Variants in CIT observed in about 807,000 individuals in gnomAD.
CIT encodes citron Rho-interacting kinase.
A neutral mutation model predicts 272.7 loss-of-function variants in CIT; 79 were observed. The observed-to-expected ratio is 0.29, with a 90% CI of 0.24 to 0.35. The LOEUF (loss-of-function observed/expected upper bound fraction) is 0.35, where lower values mean the gene tolerates loss of function less well. CIT is among the 10% of genes least tolerant of loss of function. The pLI is 1.00. For missense variants in CIT, 1,909 were observed against 2,618.3 expected (o/e 0.73, Z 5.91); for synonymous variants, 948 against 995.6 (o/e 0.95, Z 0.90).
In CIT at chr12:119,694,518, G is replaced by C. The variant is rs1198701431; in HGVS notation, c.5882+3141C>G. Among the ~76,000 whole-genome samples the C allele has an allele frequency of 6.6e-6, 1 of 152,126 alleles. No individual in the cohort carries two copies. The highest frequency in any genetic ancestry group is 1.5e-5 in the Non-Finnish European group (1 of 68,018). The stretch of plus-strand genomic sequence containing the variant: ...TGCTGCCACTTGTATTAAAAAGGAG[G>C]GGTGGTTGCGTGTAGTGGCTCACAC... On this transcript the variant is annotated intron_variant, in intron 46 of 47. Transcript: ENST00000392521. The surrounding 1 kb of genome is among the most constrained non-coding windows in gnomAD (Gnocchi z 4.5).
At chr12:119,815,354 G>A (rs1967080023) in intron 9 of CIT, among the ~76,000 whole-genome samples, 1 of 151,980 alleles carries the variant, frequency 6.6e-6, no homozygotes, top group Non-Finnish European at 1.5e-5. Flanking sequence ...TTAAATGAAT[G>A]AAGTATAAAG....
At position 119,735,243 on chromosome 12, in the gene CIT, C is replaced by T. The variant is rs760104036; in HGVS notation, c.3073G>A (p.Glu1025Lys). The change falls in exon 25 of 48, where the codon GAG (glutamate) becomes AAG (lysine). Residue 1025 changes from glutamate to lysine, a missense_variant. Transcript: ENST00000392521. ...ACTTCACTTCGCAGTTGTACAATCT[C>T]GTCGTTGGCGCCAGAAGCCTCATCG... The part of the protein sequence containing the change: ...QLDEASGAND[E>K]IVQLRSEVDH... 6.2e-6 allele frequency: 10 copies of T among 1,614,050 alleles called. No homozygotes were observed. The highest frequency in any genetic ancestry group is 8.5e-6 in the Non-Finnish European group (10 of 1,180,046).
At chr12:119,757,347 CAGG>C (rs1376809340) in intron 22 of CIT, 21 bp downstream of exon 22, 3 of 1,612,398 alleles carry the variant, frequency 1.9e-6, no homozygotes, top group Non-Finnish European at 2.5e-6. Flanking sequence ...CAAATCCTCC[CAGG>C]AGATGACTCC....
intron 40 of CIT, 121 bp downstream of exon 40, chr12:119,708,058 C>T: frequency 9.1e-7 from 1 of 1,098,748 alleles, no homozygotes; most frequent in Non-Finnish European, 1.2e-6. Context: ...CAAGAGAGCC[C>T]CTCTCTGTTT....
chr12:119,861,621 G>A (rs994027452), intron 3 of CIT, among the ~76,000 whole-genome samples: 3 of 151,860 alleles, frequency 2.0e-5, no homozygotes, highest in Admixed American at 1.3e-4. Flanking sequence ...AAAAGAAAAT[G>A]CAATCAGAGA....
Position 119,730,577 on chromosome 12 carries a change from A to C in CIT, c.3404T>G (p.Val1135Gly). The C allele has an allele frequency of 6.2e-7, 1 of 1,614,110 alleles. No individual in the cohort carries two copies. The highest frequency in any genetic ancestry group is 8.5e-7 in the Non-Finnish European group (1 of 1,179,996). ...TESRQVVELA[V>G]KEHKAEILAL... ...GAGAATCTCAGCCTTGTGCTCCTTC[A>C]CTGCCAGCTCCACCACCTGGCGAGA... is the stretch of plus-strand genomic sequence containing the variant. The change falls in exon 27 of 48, where the codon GTG becomes GGG. Residue 1135 changes from valine to glycine, a missense_variant. Coordinates refer to ENST00000392521, the MANE Select transcript of CIT (RefSeq NM_001206999.2).
At chr12:119,723,650 G>A (rs965817814) in intron 28 of CIT, among the ~76,000 whole-genome samples, 6 of 152,174 alleles carry the variant, frequency 3.9e-5, no homozygotes, top group Non-Finnish European at 5.9e-5. Context: ...AACAACCCCC[G>A]TGGGCTGGAA....
At chr12:119,750,700 C>CA (rs1292285165) in intron 23 of CIT, among the ~76,000 whole-genome samples, 1 of 151,694 alleles carries the variant, frequency 6.6e-6, no homozygotes, top group African/African-American at 2.4e-5. Context: ...CCAAACCCAA[C>CA]AATGGGCAAT....
intron 24 of CIT, among the ~76,000 whole-genome samples, chr12:119,737,922 C>T (rs1177074902): frequency 6.6e-6 from 1 of 152,080 alleles, no homozygotes; most frequent in African/African-American, 2.4e-5. Context: ...CACACACACA[C>T]ATACGTTACT....
At chr12:119,834,277 G>A in intron 5 of CIT, 49 bp from the exon 6 acceptor site, 1 of 1,501,700 alleles carries the variant, frequency 6.7e-7, no homozygotes, top group Non-Finnish European at 9.0e-7. Flanking sequence ...CAAAAATAGG[G>A]AATGCCTCAA....
In CIT at chr12:119,869,156, G is replaced by C. The variant is rs779825114; in HGVS notation, c.142C>G (p.Arg48Gly). 1.2e-5 allele frequency: 20 copies of C among 1,612,774 alleles called. No individual in the cohort carries two copies. Among genetic ancestry groups the C allele is most frequent in the Non-Finnish European group, 1.4e-5 (16 of 1,179,686 alleles). The change falls in exon 3 of 48, where the codon CGA becomes GGA. Residue 48 changes from arginine to glycine, a missense_variant. This residue lies in a region of CIT where 529 missense variants were observed against 549.6 expected (regional missense o/e 0.96). Transcript: ENST00000392521. ...AAGAGGGCATCTAATATCCCTTCTC[G>C]GGAAAGAGGAGACATCTGCTGTTGA... The part of the protein sequence containing the change: ...MTQQQMSPLS[R>G]EGILDALFVL...
intron 5 of CIT, among the ~76,000 whole-genome samples, chr12:119,840,768 A>T (rs559668977): frequency 6.6e-6 from 1 of 152,196 alleles, no homozygotes; most frequent in African/African-American, 2.4e-5. Context: ...GAGTTTTGAG[A>T]CATGCCTGAA....
At chr12:119,727,637 A>C (rs149210458) in intron 28 of CIT, among the ~76,000 whole-genome samples, 2 of 152,356 alleles carry the variant, frequency 1.3e-5, no homozygotes, top group East Asian at 3.9e-4. Flanking sequence ...TTTGTTTACA[A>C]GTCCAGGCAG....
Position 119,772,835 on chromosome 12 carries a change from G to C in CIT, c.2017C>G (p.Leu673Val). 1.2e-6 allele frequency: 2 copies of C among 1,614,016 alleles called. No homozygotes were observed. Among genetic ancestry groups the C allele is most frequent in the Non-Finnish European group, 8.5e-7 (1 of 1,180,034 alleles). The stretch of plus-strand genomic sequence containing the variant: ...TCCTCTCGGTTCTGCAGCTTCTCCA[G>C]CTCCCTCTCGGCTCGCTCCTTTGCC... ...RQAKERAERE[L>V]EKLQNREDSS... is the part of the protein sequence containing the mutation. Residue 673 changes from leucine to valine, a missense_variant, in exon 17 of 48, where the codon CTG becomes GTG. Around this residue, in one of 8 missense-constraint regions of CIT, gnomAD observed 530 missense variants for 822.4 expected, o/e 0.64. Transcript: ENST00000392521.
Position 119,832,780 on chromosome 12 carries a change from T to A in CIT, c.744A>T (p.Ser248=), listed in dbSNP as rs776437325. ...TTATTCCATTTTTTACCATCTTGTT[T>A]GAATTCATTTTCGCGGCAGATCCAA... ...VDFGSAAKMN[S]NKMVNAKLPI... Residue 248 remains serine, a synonymous_variant, in exon 7 of 48, where the codon TCA becomes TCT. Coordinates refer to ENST00000392521, the MANE Select transcript of CIT (RefSeq NM_001206999.2). The A allele has an allele frequency of 3.7e-6, 6 of 1,613,066 alleles. No individual in the cohort carries two copies. In the South Asian group the frequency reaches 5.5e-5, roughly 15 times the overall value.
At chr12:119,849,679 C>CT (rs986578783) in intron 5 of CIT, among the ~76,000 whole-genome samples, 2 of 67,668 alleles carry the variant, frequency 3.0e-5, no homozygotes, top group African/African-American at 6.0e-5. Context: ...GAGGCTGTTT[C>CT]TTTTTTTTTC....
rs60206934 is a variant in CIT at position 119,707,524 on chromosome 12, G to GTT, written c.5211+653_5211+654dup. On this transcript the variant is annotated intron_variant, in intron 40 of 47. Coordinates refer to ENST00000392521, the MANE Select transcript of CIT (RefSeq NM_001206999.2). ...AAAACCACAAAGGCCATTGCAATCT[G>GTT]TTTTTTTTTTCCCTGTCACCAGGCT... Among the ~76,000 whole-genome samples the GTT allele has an allele frequency of 3.3e-5, 5 of 149,690 alleles. No homozygotes were observed. In the East Asian group the frequency reaches 5.8e-4, roughly 18 times the overall value.
intron 9 of CIT, among the ~76,000 whole-genome samples, chr12:119,810,525 G>T (rs2137939740): frequency 6.6e-6 from 1 of 151,760 alleles, no homozygotes; most frequent in Non-Finnish European, 1.5e-5. Flanking sequence ...TATGGTGAAA[G>T]CCCATCTCTA....
chr12:119,829,211 A>ATG (rs1328121230), intron 7 of CIT, among the ~76,000 whole-genome samples: 1 of 152,012 alleles, frequency 6.6e-6, no homozygotes, highest in Non-Finnish European at 1.5e-5. Context: ...GGTGGCGGGC[A>ATG]CCTGTAATCC....
Sources: gnomAD v4.1 joint callset for allele counts (sites outside exome capture counted in the v4.1 genomes callset) on GRCh38, gnomAD v4.1.1 for gene constraint, gnomAD v4.1.1 regional missense constraint, Gnocchi (gnomAD v3.1) non-coding constraint, MANE v1.5 for transcripts, NCBI Gene and HGNC (gene_info 2026-07-23, HGNC 2026-07-21) for gene names.